The following KCNIP1 variants were observed in gnomAD, a reference collection of about 807,000 sequenced individuals.
The protein encoded by KCNIP1 is potassium voltage-gated channel interacting protein 1.
In KCNIP1, 18 loss-of-function variants were observed where a neutral mutation model predicts 33.0. The ratio of observed to expected loss-of-function variants is 0.55; its 90% CI spans 0.38 to 0.81. KCNIP1 has a LOEUF of 0.81. KCNIP1 is among the 30% of genes least tolerant of loss of function. KCNIP1 has a pLI of 0.00. For missense variants in KCNIP1, 238 were observed against 271.6 expected, an observed-to-expected ratio of 0.88 and a Z score of 0.87; for synonymous variants, 93 against 98.3, an observed-to-expected ratio of 0.95 and a Z score of 0.32.
At chr5:170,712,746 G>C in intron 1 of KCNIP1, 1 of 1,016,030 alleles carries the variant, frequency 9.8e-7, no homozygotes, top group East Asian at 2.4e-5. Context: ...CATATGTCAA[G>C]CTGGACGACG....
At chr5:170,446,962 T>G (rs1756131232) in intron 1 of KCNIP1, among the ~76,000 whole-genome samples, 1 of 152,252 alleles carries the variant, frequency 6.6e-6, no homozygotes, top group African/African-American at 2.4e-5. Flanking sequence ...TGTTCCTGCA[T>G]TAAGCAATGG....
At chr5:170,562,014 A>G (rs979393075) in intron 1 of KCNIP1, among the ~76,000 whole-genome samples, 3 of 152,274 alleles carry the variant, frequency 2.0e-5, no homozygotes, top group African/African-American at 7.2e-5. Flanking sequence ...TTATGTCTCA[A>G]TAAACCCATC....
chr5:170,475,473 G>A lies in KCNIP1; in HGVS notation c.88+121509G>A, dbSNP rs140591992. Reference sequence around the variant, plus strand: ...GACTCCTGCTGCAGACCCACTGAGAGGTGACTCCCACACGGCTGTCCTGGA... The same window carrying A: ...GACTCCTGCTGCAGACCCACTGAGAAGTGACTCCCACACGGCTGTCCTGGA... On this transcript the variant is annotated intron_variant, in intron 1 of 7. Transcript: ENST00000377360. 2.4e-4 allele frequency among the ~76,000 whole-genome samples: 37 copies of A among 152,316 alleles called. No individual in the cohort carries two copies. In the East Asian group the frequency reaches 6.6e-3, roughly 27 times the overall value.
At chr5:170,385,260 T>C in intron 1 of KCNIP1, 1 of 1,602,022 alleles carries the variant, frequency 6.2e-7, no homozygotes, top group Non-Finnish European at 8.5e-7. Context: ...TCCTTACAGA[T>C]GCCAGACCCT....
chr5:170,422,854 G>A (rs1438626055), intron 1 of KCNIP1: 1 of 152,156 alleles, frequency 6.6e-6, no homozygotes, highest in Non-Finnish European at 1.5e-5. Context: ...GTTATCCTGG[G>A]GCAGGCGGAT....
At chr5:170,610,540 AAGCCAGGACTCTGG>A (rs1195223470) in intron 1 of KCNIP1, among the ~76,000 whole-genome samples, 1 of 152,168 alleles carries the variant, frequency 6.6e-6, no homozygotes, top group African/African-American at 2.4e-5. Context: ...TTGCTGTTAG[AAGCCAGGACTCTGG>A]AGCCAGGCTG....
At chr5:170,586,192 C>T (rs1300651226) in intron 1 of KCNIP1, among the ~76,000 whole-genome samples, 9 of 152,230 alleles carry the variant, frequency 5.9e-5, no homozygotes, top group African/African-American at 1.9e-4. Flanking sequence ...GTTCAATAAA[C>T]GATGGCTATT....
At chr5:170,505,876 T>G (rs542837230) in intron 1 of KCNIP1, among the ~76,000 whole-genome samples, 1 of 152,322 alleles carries the variant, frequency 6.6e-6, no homozygotes, top group South Asian at 2.1e-4. Context: ...GGAAGAGGCT[T>G]TGGCCCATTT....
intron 1 of KCNIP1, among the ~76,000 whole-genome samples, chr5:170,675,526 C>T (rs896404043): frequency 6.6e-6 from 1 of 152,046 alleles, no homozygotes; most frequent in Non-Finnish European, 1.5e-5. Context: ...GAGGCTGAGG[C>T]AGGGGAATCA....
intron 1 of KCNIP1, among the ~76,000 whole-genome samples, chr5:170,444,980 A>G (rs1468112702): frequency 6.6e-6 from 1 of 152,174 alleles, no homozygotes; most frequent in Non-Finnish European, 1.5e-5. Flanking sequence ...CTCGCTTTCC[A>G]ATTATTTTGA....
At chr5:170,627,110 C>A (rs983615307) in intron 1 of KCNIP1, among the ~76,000 whole-genome samples, 1 of 152,170 alleles carries the variant, frequency 6.6e-6, no homozygotes. Context: ...ATCCCTCCCC[C>A]ACGTTTTTTC....
intron 1 of KCNIP1, among the ~76,000 whole-genome samples, chr5:170,479,869 C>T (rs965454486): frequency 4.6e-5 from 7 of 152,144 alleles, no homozygotes; most frequent in Admixed American, 3.9e-4. Flanking sequence ...TCTTGACATT[C>T]GAACACTATC....
At chr5:170,445,825 G>A (rs1317801892) in intron 1 of KCNIP1, among the ~76,000 whole-genome samples, 2 of 152,204 alleles carry the variant, frequency 1.3e-5, no homozygotes, top group Non-Finnish European at 2.9e-5. Context: ...GTTAAAGAAG[G>A]TGAAAGGGCT....
intron 1 of KCNIP1, among the ~76,000 whole-genome samples, chr5:170,570,620 G>A (rs1248711389): frequency 6.6e-6 from 1 of 152,238 alleles, no homozygotes; most frequent in African/African-American, 2.4e-5. Flanking sequence ...TCCTCAGCCT[G>A]CTCAAAAGGG....
chr5:170,497,942 A>T (rs1390595091), intron 1 of KCNIP1, among the ~76,000 whole-genome samples: 2 of 152,240 alleles, frequency 1.3e-5, no homozygotes, highest in African/African-American at 4.8e-5. Context: ...AGCCATCAGG[A>T]CATGAAGGGC....
chr5:170,727,383 G>A (rs538898453), intron 5 of KCNIP1, among the ~76,000 whole-genome samples: 1 of 152,306 alleles, frequency 6.6e-6, no homozygotes, highest in East Asian at 1.9e-4. Context: ...TGTGGTGGAG[G>A]TTACATGGGT....
At chr5:170,647,374 T>C (rs982869102) in intron 1 of KCNIP1, among the ~76,000 whole-genome samples, 7 of 152,138 alleles carry the variant, frequency 4.6e-5, no homozygotes, top group African/African-American at 1.7e-4. Flanking sequence ...GATTCAAGAC[T>C]AACTCTAAAG....
At chr5:170,615,824 T>G (rs1759347827) in intron 1 of KCNIP1, among the ~76,000 whole-genome samples, 1 of 152,224 alleles carries the variant, frequency 6.6e-6, no homozygotes, top group South Asian at 2.1e-4. Context: ...ATAATAAGGT[T>G]GTTGTAAGGA....
intron 1 of KCNIP1, among the ~76,000 whole-genome samples, chr5:170,633,546 A>T (rs1218703721): frequency 6.7e-6 from 1 of 149,556 alleles, no homozygotes; most frequent in African/African-American, 2.5e-5. Context: ...GCTTTCCAGG[A>T]TGGAAAATGA....
Sources: gnomAD v4.1 joint callset for allele counts (sites outside exome capture counted in the v4.1 genomes callset) on GRCh38, gnomAD v4.1.1 for gene constraint, MANE v1.5 for transcripts, NCBI Gene and HGNC (gene_info 2026-07-23, HGNC 2026-07-21) for gene names.